Variants in APEH observed in about 807,000 individuals in gnomAD.
The protein encoded by APEH is acylamino-acid-releasing enzyme.
APEH carries 75 observed loss-of-function variants against 102.7 expected under a neutral mutation model. The ratio of observed to expected loss-of-function variants is 0.73; its 90% CI spans 0.61 to 0.89. APEH has a LOEUF of 0.89. Ranked by LOEUF, APEH falls within the 40% of genes least tolerant of loss-of-function variation. The pLI, the probability that APEH is intolerant of heterozygous loss-of-function variation, is 0.00. For synonymous variants in APEH, 344 were observed against 362.7 expected, an observed-to-expected ratio of 0.95 and a Z score of 0.59; for missense variants, 863 against 941.2, an observed-to-expected ratio of 0.92 and a Z score of 1.09.
chr3:49,680,435 A>G (rs2053265972), intron 13 of APEH, 106 bp from the exon 14 acceptor site: 3 of 1,035,414 alleles, frequency 2.9e-6, no homozygotes, highest in Non-Finnish European at 4.5e-6. Flanking sequence ...TCGGGGAGAA[A>G]AGGGCACCTT....
Position 49,676,228 on chromosome 3 carries a change from G to T in APEH, c.606+9G>T. On this transcript the variant is annotated intron_variant, in intron 6 of 21. Coordinates refer to ENST00000296456, the MANE Select transcript of APEH (RefSeq NM_001640.4). ...CAGACCAAGCCATCAAGGTGCTCGT[G>T]GTCAATCCACGAAGGCCCGGCAGGG... 1 of 1,613,488 alleles carries T rather than the reference G, an allele frequency of 6.2e-7. No homozygotes were observed. Among genetic ancestry groups the T allele is most frequent in the Non-Finnish European group, 8.5e-7 (1 of 1,179,680 alleles).
At chr3:49,682,968 T>C (rs1227218446) in intron 20 of APEH, 23 bp downstream of exon 20, 3 of 1,611,572 alleles carry the variant, frequency 1.9e-6, no homozygotes, top group Admixed American at 3.3e-5. Context: ...CTCCTTGCCC[T>C]GTGTGCTGCC....
rs41290718 is a variant in APEH, at chr3:49,682,924, G to A, written c.1965G>A (p.Ser655=). The stretch of plus-strand genomic sequence containing the variant: ...TGTGGGCTGAGATGCTGGACAAATC[G>A]CCCATCAGATACATCCCTCAGGTAT... The part of the protein sequence containing the change: ...LSVWAEMLDK[S]PIRYIPQVKT... The change falls in exon 20 of 22, where the codon TCG becomes TCA. Residue 655 remains serine, a synonymous_variant. Transcript: ENST00000296456. 1.6e-3 allele frequency: 2,600 copies of A among 1,613,832 alleles called. 10 individuals carry two copies. Among genetic ancestry groups the A allele is most frequent in the Middle Eastern group, 4.1e-3 (25 of 6,062 alleles).
In APEH at chr3:49,683,475, T is replaced by C; in HGVS notation, c.*133T>C. 1.4e-6 allele frequency: 1 copy of C among 734,350 alleles called. No individual in the cohort carries two copies. The highest frequency in any genetic ancestry group is 2.6e-5 in the East Asian group (1 of 37,768). The allele number at this position is 734,350 out of a possible 1,614,324, so 45.5% of individuals were successfully genotyped here. On this transcript the variant is annotated 3_prime_UTR_variant, in exon 22 of 22. Transcript: ENST00000296456. ...GATGCGTGGGCAGAGGAATGTGGGCTATGTAGTCATAATAAATTAGGACAC... is the reference window on the plus strand; with the variant it reads ...GATGCGTGGGCAGAGGAATGTGGGCCATGTAGTCATAATAAATTAGGACAC...
At position 49,674,585 on chromosome 3, in the gene APEH, A is replaced by G; in HGVS notation, c.109A>G (p.Thr37Ala). The G allele has an allele frequency of 6.3e-7, 1 of 1,579,806 alleles. No homozygotes were observed. Among genetic ancestry groups the G allele is most frequent in the Non-Finnish European group, 8.5e-7 (1 of 1,172,542 alleles). The change falls in exon 2 of 22, where the codon ACG (threonine) becomes GCG (alanine). Residue 37 changes from threonine to alanine, a missense_variant. Transcript: ENST00000296456. ...CGCCTGCCTGGGCCCGGAGGTCACC[A>G]CGCAGTACGGCGGCCAATACCGGAC... is the stretch of plus-strand genomic sequence containing the variant. Reference protein sequence around the residue: ...SAACLGPEVTTQYGGQYRTVH... With the variant: ...SAACLGPEVTAQYGGQYRTVH...
intron 18 of APEH, 42 bp downstream of exon 18, chr3:49,682,478 T>C: frequency 6.2e-7 from 1 of 1,612,358 alleles, no homozygotes; most frequent in Non-Finnish European, 8.5e-7. Context: ...AAACATGGGC[T>C]GCCAGGGGGA....
rs776819280 is a variant in APEH at position 49,675,325 on chromosome 3, G to C, written c.272+16G>C. ...CCCGGGGGGAGTAAGTTTGAGGGAGGAAGCTTGTGGGCAAGGCCACAGCCG... is the reference window on the plus strand; with the variant it reads ...CCCGGGGGGAGTAAGTTTGAGGGAGCAAGCTTGTGGGCAAGGCCACAGCCG... On this transcript the variant is annotated intron_variant, in intron 3 of 21. Transcript: ENST00000296456. 1 of 1,613,074 alleles carries C rather than the reference G, an allele frequency of 6.2e-7. No homozygotes were observed. Among genetic ancestry groups the C allele is most frequent in the South Asian group, 1.1e-5 (1 of 90,904 alleles).
chr3:49,681,546 G>C (rs1392779751), intron 15 of APEH, among the ~76,000 whole-genome samples, 176 bp from the exon 16 acceptor site: 2 of 152,202 alleles, frequency 1.3e-5, no homozygotes, highest in Non-Finnish European at 2.9e-5. Context: ...TGCAGGATGG[G>C]GTTCCCTGAC....
chr3:49,674,546 C>G lies in APEH; in HGVS notation c.70C>G (p.Pro24Ala). ...AALYRGLSRQ[P>A]ALSAACLGPE... ...TCTGTATCGGGGCCTTAGCCGCCAG[C>G]CCGCGCTGAGCGCCGCCTGCCTGGG... The change falls in exon 2 of 22, where the codon CCC becomes GCC. Residue 24 changes from proline to alanine, a missense_variant. Physicochemically the swap from Pro to Ala is conservative, Grantham distance 27. Coordinates refer to ENST00000296456, the MANE Select transcript of APEH (RefSeq NM_001640.4). 6.4e-7 allele frequency: 1 copy of G among 1,565,530 alleles called. No homozygotes were observed. The highest frequency in any genetic ancestry group is 8.6e-7 in the Non-Finnish European group (1 of 1,164,292).
rs1199030441 is a variant in APEH at position 49,674,390 on chromosome 3, A to G, written c.-12A>G. The stretch of plus-strand genomic sequence containing the variant: ...GCACGCCCCGCCTCGCCCCGGCGGC[A>G]GAGAGGAGACTATGGAACGTCAGGT... On this transcript the variant is annotated 5_prime_UTR_variant, in exon 1 of 22. Coordinates refer to ENST00000296456, the MANE Select transcript of APEH (RefSeq NM_001640.4). 3 of 1,573,244 alleles carry G rather than the reference A, an allele frequency of 1.9e-6. No homozygotes were observed. In the South Asian group the frequency reaches 3.4e-5, roughly 18 times the overall value.
chr3:49,678,109 C>T (rs1341917140), intron 11 of APEH, among the ~76,000 whole-genome samples: 1 of 152,154 alleles, frequency 6.6e-6, no homozygotes, highest in Non-Finnish European at 1.5e-5. Flanking sequence ...GCTGGGTCTT[C>T]AGGAGGGTGG....
In APEH at chr3:49,683,864, A is replaced by T; in HGVS notation, c.*522A>T. 9.6e-7 allele frequency: 1 copy of T among 1,046,072 alleles called. No homozygotes were observed. Among genetic ancestry groups the T allele is most frequent in the Admixed American group, 2.8e-5 (1 of 35,476 alleles). The allele number at this position is 1,046,072 out of a possible 1,614,324, so 64.8% of individuals were successfully genotyped here. A position where few individuals can be genotyped will look rare whatever the true frequency, so the allele number is the denominator to read the frequency against. ...CTAGGCTGGACAGATCACCTAGCCC[A>T]GGGTGTGCTGGGCTCAAGCCACCCG... On this transcript the variant is annotated 3_prime_UTR_variant, in exon 22 of 22. Transcript: ENST00000296456.
Position 49,683,914 on chromosome 3 carries a change from C to T in APEH, c.*572C>T. The T allele has an allele frequency of 1.3e-6, 2 of 1,487,036 alleles. No homozygotes were observed. Among genetic ancestry groups the T allele is most frequent in the Admixed American group, 2.2e-5 (1 of 46,260 alleles). The allele number at this position is 1,487,036 out of a possible 1,614,324, so 92.1% of individuals were successfully genotyped here. On this transcript the variant is annotated 3_prime_UTR_variant, in exon 22 of 22. Coordinates refer to ENST00000296456, the MANE Select transcript of APEH (RefSeq NM_001640.4). ...GAGCCCTAGCAAGGAGTCACTGACA[C>T]ATTTCCTGGAAGCAAAGGCTAAGAA...
Position 49,675,254 on chromosome 3 carries a change from G to A in APEH, c.217G>A (p.Gly73Arg), listed in dbSNP as rs149686945. The change falls in exon 3 of 22, where the codon GGG (glycine) becomes AGG (arginine). Residue 73 changes from glycine to arginine, a missense_variant. By Grantham distance (125) the Gly-to-Arg change is moderately radical. Coordinates refer to ENST00000296456, the MANE Select transcript of APEH (RefSeq NM_001640.4). ...CCGCCAATACCTGGTGTTCCATGACGGGGACTCAGTGGTGTTTGCAGGACC... is the reference window on the plus strand; with the variant it reads ...CCGCCAATACCTGGTGTTCCATGACAGGGACTCAGTGGTGTTTGCAGGACC... ...FCRQYLVFHD[G>R]DSVVFAGPAG... 3.1e-6 allele frequency: 5 copies of A among 1,614,056 alleles called. No homozygotes were observed. The highest frequency in any genetic ancestry group is 2.2e-5 in the East Asian group (1 of 44,884).
chr3:49,683,332 T>C lies in APEH; in HGVS notation c.2189T>C (p.Leu730Ser), dbSNP rs917899052. ...GCTGTGCTCTGGCTACGCACACACT[T>C]GGGCAGCTGAAGCCCTGCCATTCTG... ...MNAVLWLRTH[L>S]GS is the part of the protein sequence containing the mutation. Residue 730 changes from leucine to serine, a missense_variant, in exon 22 of 22, where the codon TTG (leucine) becomes TCG (serine). Physicochemically the swap from Leu to Ser is moderately radical, Grantham distance 145. Coordinates refer to ENST00000296456, the MANE Select transcript of APEH (RefSeq NM_001640.4). 6.2e-7 allele frequency: 1 copy of C among 1,612,536 alleles called. No homozygotes were observed. Among genetic ancestry groups the C allele is most frequent in the Non-Finnish European group, 8.5e-7 (1 of 1,178,882 alleles).
chr3:49,679,026 C>A lies in APEH; in HGVS notation c.1158+77C>A. 8.2e-7 allele frequency: 1 copy of A among 1,223,570 alleles called. No individual in the cohort carries two copies. Among genetic ancestry groups the A allele is most frequent in the Non-Finnish European group, 1.2e-6 (1 of 849,658 alleles). 75.8% of individuals were successfully genotyped at this position (1,223,570 alleles called of 1,614,324 possible). A position where few individuals can be genotyped will look rare whatever the true frequency, so the allele number is the denominator to read the frequency against. The stretch of plus-strand genomic sequence containing the variant: ...AGCCCTGGGGGTTGCATGTGCATGC[C>A]CCTGGGTGGAATGCCCAGCCACAAA... On this transcript the variant is annotated intron_variant, in intron 12 of 21. Transcript: ENST00000296456. This position sits in a 1 kb window ranked among gnomAD's most constrained non-coding sequence, Gnocchi z 4.3.
chr3:49,673,483 A>T (rs1259887206), upstream of APEH, among the ~76,000 whole-genome samples: 2 of 152,100 alleles, frequency 1.3e-5, no homozygotes, highest in Non-Finnish European at 2.9e-5. Flanking sequence ...ACGGTCCCCA[A>T]CAAGGTGCCA....
At position 49,682,248 on chromosome 3, in the gene APEH, A is replaced by G; in HGVS notation, c.1604-100A>G. On this transcript the variant is annotated intron_variant, in intron 17 of 21. Coordinates refer to ENST00000296456, the MANE Select transcript of APEH (RefSeq NM_001640.4). Reference sequence around the variant, plus strand: ...CCTTGACCCCTTGACAGTCTGTGGTATAGCTGGCCCCAGGGCCTACTTCAC... The same window carrying G: ...CCTTGACCCCTTGACAGTCTGTGGTGTAGCTGGCCCCAGGGCCTACTTCAC... 6.5e-6 allele frequency: 8 copies of G among 1,237,576 alleles called. No individual in the cohort carries two copies. In the South Asian group the frequency reaches 1.1e-4, roughly 17 times the overall value. 76.7% of individuals were successfully genotyped at this position (1,237,576 alleles called of 1,614,324 possible).
Position 49,675,703 on chromosome 3 carries a change from C to T in APEH, c.282C>T (p.Ser94=). The T allele has an allele frequency of 6.2e-7, 1 of 1,613,896 alleles. No homozygotes were observed. The highest frequency in any genetic ancestry group is 8.5e-7 in the Non-Finnish European group (1 of 1,179,922). ...TACCCCATGTCCACAGACTGCTGAG[C>T]AGAGAGTCTCCTTCAGGCACCATGA... is the stretch of plus-strand genomic sequence containing the variant. ...NSVETRGELL[S]RESPSGTMKA... is the part of the protein sequence containing the mutation. The change falls in exon 4 of 22, where the codon AGC becomes AGT. Residue 94 remains serine, a synonymous_variant. Transcript: ENST00000296456.
Sources: allele counts gnomAD v4.1 joint callset (sites outside exome capture counted in the v4.1 genomes callset), GRCh38; gene constraint gnomAD v4.1.1; non-coding constraint Gnocchi (gnomAD v3.1); transcripts MANE v1.5; gene names NCBI Gene and HGNC (gene_info 2026-07-23, HGNC 2026-07-21).